WHRN: variants seen among roughly 807,000 people sequenced by gnomAD.
The protein encoded by WHRN is CASK-interacting protein CIP98.
Under a neutral mutation model 68.3 loss-of-function variants are expected in WHRN, and 41 were observed. The observed-to-expected ratio is 0.60, with a 90% CI of 0.47 to 0.78. WHRN has a LOEUF of 0.78. Ranked by LOEUF, WHRN falls within the 30% of genes least tolerant of loss-of-function variation. The pLI is 0.00. For missense variants in WHRN, 1,243 were observed against 1,244.7 expected, an observed-to-expected ratio of 1.00 and a Z score of 0.02; for synonymous variants, 560 against 561.3, an observed-to-expected ratio of 1.00 and a Z score of 0.03.
chr9:114,482,531 C>T (rs970119964), intron 1 of WHRN, among the ~76,000 whole-genome samples: 1 of 151,918 alleles, frequency 6.6e-6, no homozygotes, highest in Non-Finnish European at 1.5e-5. Flanking sequence ...CCCAGGGCAC[C>T]GTGGGTTAAA....
intron 7 of WHRN, among the ~76,000 whole-genome samples, chr9:114,415,755 A>G (rs1835771821): frequency 1.3e-5 from 2 of 152,230 alleles, no homozygotes; most frequent in Non-Finnish European, 2.9e-5. Context: ...TAGAAGAAGG[A>G]GTGGCTGAAC....
At chr9:114,451,465 G>A (rs138599782) in intron 3 of WHRN, among the ~76,000 whole-genome samples, 1 of 152,270 alleles carries the variant, frequency 6.6e-6, no homozygotes, top group Non-Finnish European at 1.5e-5. Flanking sequence ...GACAGGGCTG[G>A]GCCTGCAGCA....
At position 114,406,815 on chromosome 9, in the gene WHRN, G is replaced by A. The variant is rs749765866; in HGVS notation, c.1776C>T (p.Asn592=). The change falls in exon 9 of 12, where the codon AAC becomes AAT. Residue 592 remains asparagine (N), a synonymous_variant. Transcript: ENST00000362057. ...LPRPPPLAQG[N]DLPLGQPRKL... is the part of the protein sequence containing the mutation. ...TCCTTGGCTGGCCTAGTGGGAGGTC[G>A]TTGCCTTGGGCCAGAGGTGGTGGGC... is the stretch of plus-strand genomic sequence containing the variant. 22 of 1,610,932 alleles carry A rather than the reference G, an allele frequency of 1.4e-5. No homozygotes were observed. Among genetic ancestry groups the A allele is most frequent in the South Asian group, 1.3e-4 (12 of 90,680 alleles).
intron 3 of WHRN, among the ~76,000 whole-genome samples, chr9:114,435,871 G>A (rs1276526620): frequency 6.7e-6 from 1 of 148,178 alleles, no homozygotes; most frequent in Admixed American, 6.9e-5. Flanking sequence ...CCTATATGAA[G>A]AAAACTTCAC....
In WHRN at chr9:114,425,016, C is replaced by T. The variant is rs765074646; in HGVS notation, c.1175G>A (p.Gly392Asp). ...ETMANSAGFL[G>D]DLTTEGINKP... Reference sequence around the variant, plus strand: ...GTTTATTCCTTCTGTTGTGAGATCGCCAAGAAACCTGTGGGGAAAGACACA... The same window carrying T: ...GTTTATTCCTTCTGTTGTGAGATCGTCAAGAAACCTGTGGGGAAAGACACA... Residue 392 changes from glycine to aspartate, a missense_variant, in exon 5 of 12, where the codon GGC (glycine) becomes GAC (aspartate). Coordinates refer to ENST00000362057, the MANE Select transcript of WHRN (RefSeq NM_015404.4). 1.9e-6 allele frequency: 3 copies of T among 1,614,024 alleles called. No individual in the cohort carries two copies. The highest frequency in any genetic ancestry group is 2.5e-6 in the Non-Finnish European group (3 of 1,180,026).
chr9:114,451,281 G>A (rs1228606294), intron 3 of WHRN, among the ~76,000 whole-genome samples: 1 of 152,162 alleles, frequency 6.6e-6, no homozygotes, highest in Non-Finnish European at 1.5e-5. Flanking sequence ...TGGCCTTAGG[G>A]AGGCCTGCCT....
intron 10 of WHRN, among the ~76,000 whole-genome samples, chr9:114,403,685 C>T (rs1471571073): frequency 6.6e-6 from 1 of 152,240 alleles, no homozygotes; most frequent in Non-Finnish European, 1.5e-5. Flanking sequence ...GCCTCAGCCC[C>T]TAGTGTCAGT....
chr9:114,411,393 G>A (rs1208495721), intron 7 of WHRN, among the ~76,000 whole-genome samples: 3 of 152,328 alleles, frequency 2.0e-5, no homozygotes, highest in East Asian at 1.9e-4. Flanking sequence ...GCAAAGACAA[G>A]GGGAGCCTCT....
At chr9:114,407,478 C>G (rs965891794) in intron 8 of WHRN, among the ~76,000 whole-genome samples, 8 of 152,188 alleles carry the variant, frequency 5.3e-5, no homozygotes, top group Non-Finnish European at 8.8e-5. Flanking sequence ...AGCAGGTGCA[C>G]AGTGAGGGGC....
At chr9:114,454,770 AAT>A (rs1839632314) in intron 3 of WHRN, among the ~76,000 whole-genome samples, 1 of 152,176 alleles carries the variant, frequency 6.6e-6, no homozygotes, top group African/African-American at 2.4e-5. Flanking sequence ...ACAATTCTGA[AAT>A]AAGAACAAAT....
At chr9:114,467,957 A>G (rs12004144) in intron 2 of WHRN, among the ~76,000 whole-genome samples, 12,266 of 152,176 alleles carry the variant, frequency 0.081, 1,365 homozygotes, top group African/African-American at 0.25. Flanking sequence ...CCAGATTTCT[A>G]TTTCGGAAGT....
chr9:114,409,873 C>T (rs1835305632), intron 7 of WHRN, among the ~76,000 whole-genome samples: 1 of 152,000 alleles, frequency 6.6e-6, no homozygotes, highest in Admixed American at 6.5e-5. Flanking sequence ...ATCACCATCT[C>T]CACCCAGCAG....
intron 2 of WHRN, among the ~76,000 whole-genome samples, chr9:114,468,414 C>A (rs1000902955): frequency 6.6e-6 from 1 of 152,122 alleles, no homozygotes; most frequent in African/African-American, 2.4e-5. Context: ...CTGCTTCTCT[C>A]TGGGACCCTA....
At chr9:114,452,930 G>C (rs1839462237) in intron 3 of WHRN, among the ~76,000 whole-genome samples, 1 of 152,250 alleles carries the variant, frequency 6.6e-6, no homozygotes, top group Non-Finnish European at 1.5e-5. Flanking sequence ...CCATCAGGCA[G>C]TTTGGCTTTG....
At chr9:114,494,982 C>A (rs760412172) in intron 1 of WHRN, among the ~76,000 whole-genome samples, 1 of 152,066 alleles carries the variant, frequency 6.6e-6, no homozygotes, top group Middle Eastern at 3.2e-3. Context: ...GTGGGGACAG[C>A]GGCAGAGGTG....
intron 1 of WHRN, among the ~76,000 whole-genome samples, chr9:114,495,054 A>G (rs1843335299): frequency 6.6e-6 from 1 of 152,196 alleles, no homozygotes; most frequent in African/African-American, 2.4e-5. Context: ...AGTGGTGTCA[A>G]CAGGTGGAGA....
chr9:114,412,430 C>T lies in WHRN; in HGVS notation c.1627-4412G>A, dbSNP rs553101453. Among the ~76,000 whole-genome samples, 56 of 152,286 alleles carry T rather than the reference C, an allele frequency of 3.7e-4. No homozygotes were observed. The South Asian group carries it at 7.7e-3, about 21-fold the overall frequency. ...AGCCTCAGTGAGGGCATAGACCTGG[C>T]GGCTCCATTAATCCTGCCAGATGGG... On this transcript the variant is annotated intron_variant, in intron 7 of 11. Coordinates refer to ENST00000362057, the MANE Select transcript of WHRN (RefSeq NM_015404.4).
intron 3 of WHRN, among the ~76,000 whole-genome samples, chr9:114,437,309 A>C (rs1163014800): frequency 6.6e-6 from 1 of 152,236 alleles, no homozygotes; most frequent in Non-Finnish European, 1.5e-5. Context: ...TTAAGAGAAA[A>C]AATAGATAAG....
intron 3 of WHRN, among the ~76,000 whole-genome samples, chr9:114,449,840 T>C (rs1839166066): frequency 1.3e-5 from 2 of 152,192 alleles, no homozygotes; most frequent in African/African-American, 4.8e-5. Flanking sequence ...ACCATTTCTT[T>C]TTGGTTGCTT....
Sources: allele counts gnomAD v4.1 joint callset (sites outside exome capture counted in the v4.1 genomes callset), GRCh38; gene constraint gnomAD v4.1.1; transcripts MANE v1.5; gene names NCBI Gene and HGNC (gene_info 2026-07-23, HGNC 2026-07-21).